The following PTGR1 variants were observed in gnomAD, a reference collection of about 807,000 sequenced individuals.
PTGR1 encodes the protein 15-oxoprostaglandin 13-reductase.
In PTGR1, 23 loss-of-function variants were observed where a neutral mutation model predicts 37.7. The ratio of observed to expected loss-of-function variants is 0.61; its 90% CI spans 0.44 to 0.86. PTGR1 has a LOEUF of 0.86. Among genes scored for constraint, PTGR1 ranks in the 40% least tolerant of loss-of-function variants. The pLI, the probability that PTGR1 is intolerant of heterozygous loss-of-function variation, is 0.00. For missense variants in PTGR1, 351 were observed against 394.3 expected (o/e 0.89, Z 0.93); for synonymous variants, 134 against 140.0 (o/e 0.96, Z 0.30).
intron 9 of PTGR1, among the ~76,000 whole-genome samples, chr9:111,554,638 C>T (rs935698415): frequency 4.6e-5 from 7 of 152,134 alleles, no homozygotes. Context: ...CATGGATATG[C>T]TGGACAAAGG....
intron 3 of PTGR1, among the ~76,000 whole-genome samples, chr9:111,593,970 G>C (rs1166791734): frequency 6.9e-6 from 1 of 145,200 alleles, no homozygotes; most frequent in African/African-American, 2.6e-5. Context: ...ATTCTGTTGA[G>C]CAGTGAAAGG....
In PTGR1 at chr9:111,578,892, A is replaced by G; in HGVS notation, c.555T>C (p.Leu185=). Residue 185 remains leucine (L), a synonymous_variant, in exon 7 of 10, where the codon CTT becomes CTC. Transcript: ENST00000407693. ...SDEKVAYLQK[L]GFDVVFNYKT... ...TGTAGTTAAAGACGACATCAAATCC[A>G]AGCTTTTGAAGGTAGGCAACCTTTT... 1 of 1,613,082 alleles carries G rather than the reference A, an allele frequency of 6.2e-7. No individual in the cohort carries two copies. The highest frequency in any genetic ancestry group is 8.5e-7 in the Non-Finnish European group (1 of 1,179,670).
chr9:111,585,961 G>A, intron 5 of PTGR1, 37 bp downstream of exon 5: 4 of 1,607,534 alleles, frequency 2.5e-6, no homozygotes, highest in Non-Finnish European at 2.6e-6. Context: ...CAGAGTGTCA[G>A]ACATTCAAAC....
intron 9 of PTGR1, among the ~76,000 whole-genome samples, chr9:111,550,673 A>AT (rs1827913585): frequency 1.3e-5 from 2 of 152,006 alleles, no homozygotes; most frequent in African/African-American, 2.4e-5. Context: ...CATGTCTTTG[A>AT]TTTTTCCTGC....
rs1829824166 is a variant in PTGR1, at chr9:111,597,682, G to A, written c.-10-250C>T. 1.3e-5 allele frequency among the ~76,000 whole-genome samples: 2 copies of A among 152,060 alleles called. 1 individual carries two copies. The highest frequency in any genetic ancestry group is 4.1e-4 in the South Asian group (2 of 4,820). On this transcript the variant is annotated intron_variant, in intron 1 of 9. Transcript: ENST00000407693. ...GACATTAGTATCATTGCCAGTGTAC[G>A]GATGAGGAAACTGAGGTTTAAAGAA...
chr9:111,558,212 C>T (rs1828180696), downstream of PTGR1, among the ~76,000 whole-genome samples: 1 of 152,212 alleles, frequency 6.6e-6, no homozygotes, highest in Non-Finnish European at 1.5e-5. Flanking sequence ...GTATTTGTCT[C>T]AGTACGGACT....
At chr9:111,596,062 C>G (rs762336214) in intron 2 of PTGR1, among the ~76,000 whole-genome samples, 1 of 152,196 alleles carries the variant, frequency 6.6e-6, no homozygotes, top group South Asian at 2.1e-4. Flanking sequence ...AAGAGTAATG[C>G]ACTCAAGCAT....
At chr9:111,560,974 T>TATATAG (rs1564607823), downstream of PTGR1, among the ~76,000 whole-genome samples, 1 of 9,334 alleles carries the variant, frequency 1.1e-4, no homozygotes, top group Non-Finnish European at 1.9e-4. Context: ...TATATATATA[T>TATATAG]AGAGAGAGAG....
At chr9:111,583,213 A>G (rs975819725) in intron 6 of PTGR1, among the ~76,000 whole-genome samples, 2 of 152,284 alleles carry the variant, frequency 1.3e-5, no homozygotes, top group Non-Finnish European at 2.9e-5. Context: ...AGTAAAAAAT[A>G]TGAAAATGAT....
chr9:111,576,463 G>C (rs923506762), intron 7 of PTGR1: 1 of 1,613,080 alleles, frequency 6.2e-7, no homozygotes, highest in Non-Finnish European at 8.5e-7. Context: ...GATGACCAGA[G>C]GATGGGGCCA....
chr9:111,598,046 CCTCA>C (rs1453086238), intron 1 of PTGR1, among the ~76,000 whole-genome samples: 1 of 151,580 alleles, frequency 6.6e-6, no homozygotes, highest in African/African-American at 2.4e-5. Flanking sequence ...TAGAGAGGAG[CCTCA>C]CTGTGTTGCC....
intron 9 of PTGR1, among the ~76,000 whole-genome samples, chr9:111,569,744 AAC>A (rs1414027861): frequency 2.6e-5 from 4 of 152,148 alleles, no homozygotes; most frequent in African/African-American, 9.7e-5. Context: ...CAGCCTGAGC[AAC>A]AGAGTGAGAC....
At chr9:111,552,621 T>C (rs573383811) in intron 9 of PTGR1, among the ~76,000 whole-genome samples, 173 of 152,334 alleles carry the variant, frequency 1.1e-3, no homozygotes, top group Non-Finnish European at 2.2e-3. Flanking sequence ...CTTTAGGCAA[T>C]GAATTCACAT....
chr9:111,574,535 G>C, intron 8 of PTGR1, 199 bp downstream of exon 8: 1 of 354,046 alleles, frequency 2.8e-6, no homozygotes, highest in Non-Finnish European at 5.1e-6. Context: ...TTTTTGTAGA[G>C]ACGGCATTTT....
At chr9:111,589,339 A>G (rs1311975328) in intron 4 of PTGR1, 2 of 873,082 alleles carry the variant, frequency 2.3e-6, no homozygotes, top group African/African-American at 3.7e-5. Context: ...AAATTCCAGT[A>G]AAGATCCATA....
At chr9:111,550,174 C>T (rs1178820508) in intron 9 of PTGR1, among the ~76,000 whole-genome samples, 2 of 152,152 alleles carry the variant, frequency 1.3e-5, no homozygotes, top group East Asian at 1.9e-4. Context: ...ACAGAGCCTG[C>T]GTTTTTCCCT....
chr9:111,592,670 G>T, intron 4 of PTGR1: 1 of 418,166 alleles, frequency 2.4e-6, no homozygotes, highest in East Asian at 4.2e-5. Flanking sequence ...TCATGACCTG[G>T]ACAAATACTT....
chr9:111,580,420 A>G (rs902260800), intron 6 of PTGR1, among the ~76,000 whole-genome samples: 1 of 152,144 alleles, frequency 6.6e-6, no homozygotes, highest in Non-Finnish European at 1.5e-5. Context: ...TCCATGTCCA[A>G]TCATCTGGTT....
At chr9:111,586,510 T>A (rs1408360951) in intron 4 of PTGR1, among the ~76,000 whole-genome samples, 2 of 152,106 alleles carry the variant, frequency 1.3e-5, no homozygotes, top group Non-Finnish European at 2.9e-5. Flanking sequence ...TCCCTTAGCC[T>A]TCCACTTTCC....
Sources: allele counts gnomAD v4.1 joint callset (sites outside exome capture counted in the v4.1 genomes callset), GRCh38; gene constraint gnomAD v4.1.1; transcripts MANE v1.5; gene names NCBI Gene and HGNC (gene_info 2026-07-23, HGNC 2026-07-21).